Variants in CSNK1G3 observed in about 807,000 individuals in gnomAD.
The protein encoded by CSNK1G3 is casein kinase I isoform gamma-3.
In CSNK1G3, 23 loss-of-function variants were observed where a neutral mutation model predicts 64.3. The ratio of observed to expected loss-of-function variants is 0.36; its 90% CI spans 0.26 to 0.51. CSNK1G3 has a LOEUF of 0.51. CSNK1G3 is among the 20% of genes least tolerant of loss of function. The pLI is 0.96. For missense variants in CSNK1G3, 357 were observed against 510.5 expected (o/e 0.70, Z 2.90); for synonymous variants, 158 against 162.2 (o/e 0.97, Z 0.20).
At chr5:123,528,504 G>T (rs1360473793) in intron 1 of CSNK1G3, among the ~76,000 whole-genome samples, 1 of 152,164 alleles carries the variant, frequency 6.6e-6, no homozygotes, top group Non-Finnish European at 1.5e-5. Context: ...GAGGACATCA[G>T]ATTAACAAAT....
At chr5:123,560,234 G>A (rs1369404887) in intron 4 of CSNK1G3, among the ~76,000 whole-genome samples, 1 of 152,176 alleles carries the variant, frequency 6.6e-6, no homozygotes, top group Non-Finnish European at 1.5e-5. Context: ...GCAAGTGTTA[G>A]TATGGATATG....
At chr5:123,574,105 T>C (rs1302243784) in intron 5 of CSNK1G3, among the ~76,000 whole-genome samples, 1 of 152,180 alleles carries the variant, frequency 6.6e-6, no homozygotes, top group African/African-American at 2.4e-5. Context: ...CGCCTTGGCC[T>C]TCCAAAGTTC....
intron 4 of CSNK1G3, among the ~76,000 whole-genome samples, chr5:123,560,696 C>G (rs1196490833): frequency 2.6e-5 from 4 of 152,064 alleles, no homozygotes; most frequent in Admixed American, 2.6e-4. Flanking sequence ...AAGGAAAATT[C>G]TGCAAAGTGA....
chr5:123,588,085 G>A, exon 7 of CSNK1G3: 1 of 1,579,004 alleles, frequency 6.3e-7, no homozygotes, highest in African/African-American at 1.4e-5. Context: ...TAGAAGAGAC[G>A]ATTTAGAAGC....
At chr5:123,521,233 C>G (rs1184578635) in intron 1 of CSNK1G3, among the ~76,000 whole-genome samples, 2 of 151,998 alleles carry the variant, frequency 1.3e-5, no homozygotes, top group Non-Finnish European at 2.9e-5. Flanking sequence ...CAGTCTGACT[C>G]TCCCTACTCC....
chr5:123,580,307 G>T (rs1789998479), intron 6 of CSNK1G3, among the ~76,000 whole-genome samples: 1 of 151,918 alleles, frequency 6.6e-6, no homozygotes, highest in Non-Finnish European at 1.5e-5. Flanking sequence ...ATATGGGTTT[G>T]TAAGTATTTT....
At chr5:123,568,104 C>T (rs1162919935) in intron 4 of CSNK1G3, among the ~76,000 whole-genome samples, 6 of 152,194 alleles carry the variant, frequency 3.9e-5, no homozygotes, top group African/African-American at 1.4e-4. Context: ...GAAGCGTTGG[C>T]TGTGCAATGT....
chr5:123,555,217 G>A (rs1784413718), intron 3 of CSNK1G3, among the ~76,000 whole-genome samples: 1 of 152,034 alleles, frequency 6.6e-6, no homozygotes, highest in South Asian at 2.1e-4. Context: ...GAATATTTTT[G>A]GATCTATGTC....
intron 12 of CSNK1G3, 73 bp from the exon 14 acceptor site, chr5:123,614,268 AG>A (rs1411893669): frequency 1.4e-6 from 2 of 1,436,470 alleles, no homozygotes; most frequent in African/African-American, 2.9e-5. Flanking sequence ...TGATCATTTA[AG>A]TTAAAGTGAT....
intron 12 of CSNK1G3, among the ~76,000 whole-genome samples, chr5:123,607,913 T>C (rs1007722176): frequency 2.0e-5 from 3 of 152,152 alleles, no homozygotes; most frequent in African/African-American, 7.2e-5. Context: ...ACGTTTGTTA[T>C]TGTGTTCCTC....
chr5:123,596,025 A>G (rs1034369194), intron 10 of CSNK1G3, among the ~76,000 whole-genome samples: 11 of 151,894 alleles, frequency 7.2e-5, no homozygotes, highest in Admixed American at 1.3e-4. Context: ...CATTTTATCA[A>G]ATTTGCATTT....
chr5:123,604,881 A>T, intron 11 of CSNK1G3, 51 bp downstream of exon 12: 2 of 1,338,802 alleles, frequency 1.5e-6, no homozygotes, highest in Non-Finnish European at 2.1e-6. Flanking sequence ...TAAATTATGC[A>T]TGCTTGAGAT....
intron 10 of CSNK1G3, among the ~76,000 whole-genome samples, chr5:123,595,365 T>A (rs982529): frequency 0.98 from 148,573 of 152,266 alleles, 72,490 homozygotes; most frequent in African/African-American, 0.99. Flanking sequence ...AACTATATGC[T>A]ACAATATTTA....
intron 1 of CSNK1G3, among the ~76,000 whole-genome samples, chr5:123,522,691 T>TA (rs565794372): frequency 2.6e-4 from 39 of 148,056 alleles, no homozygotes; most frequent in East Asian, 9.8e-4. Context: ...GGAATAATGA[T>TA]AAAAAAAAAA....
At chr5:123,584,634 AC>A (rs1190771378) in intron 6 of CSNK1G3, among the ~76,000 whole-genome samples, 2 of 151,238 alleles carry the variant, frequency 1.3e-5, no homozygotes, top group African/African-American at 4.9e-5. Context: ...TGAGTTGGGA[AC>A]TCTTCCAATC....
chr5:123,614,411 A>T (rs768014006), exon 13 of CSNK1G3: 1 of 1,609,420 alleles, frequency 6.2e-7, no homozygotes, highest in African/African-American at 1.3e-5. Flanking sequence ...GGACACAGAC[A>T]GATCCTGGGG....
chr5:123,529,888 G>A (rs553108402), intron 1 of CSNK1G3, among the ~76,000 whole-genome samples: 1 of 152,098 alleles, frequency 6.6e-6, no homozygotes, highest in African/African-American at 2.4e-5. Flanking sequence ...ACTTACATGA[G>A]CACTTTGGGA....
At position 123,555,715 on chromosome 5, in the gene CSNK1G3, A is replaced by G. The variant is rs564749235; in HGVS notation, c.220-1780A>G. Among the ~76,000 whole-genome samples, 15 of 152,274 alleles carry G rather than the reference A, an allele frequency of 9.9e-5. No individual in the cohort carries two copies. The South Asian group carries it at 2.9e-3, about 29-fold the overall frequency. ...CTGGGGAAGGTGACTTTTATTATATAGTGTTAAAATTTTACTGCTTAAGTA... is the reference window on the plus strand; with the variant it reads ...CTGGGGAAGGTGACTTTTATTATATGGTGTTAAAATTTTACTGCTTAAGTA... On this transcript the variant is annotated intron_variant, in intron 3 of 12. Transcript: ENST00000345990.
intron 8 of CSNK1G3, among the ~76,000 whole-genome samples, chr5:123,589,558 C>CT (rs1265521536): frequency 1.3e-5 from 2 of 152,044 alleles, no homozygotes; most frequent in Admixed American, 1.3e-4. Flanking sequence ...TGGGTGTGAT[C>CT]TTTTTCCTGT....
Sources: allele counts gnomAD v4.1 joint callset (sites outside exome capture counted in the v4.1 genomes callset), GRCh38; gene constraint gnomAD v4.1.1; transcripts MANE v1.5; gene names NCBI Gene and HGNC (gene_info 2026-07-23, HGNC 2026-07-21).